RNF145: variants seen among roughly 807,000 people sequenced by gnomAD.
RNF145 encodes ring finger protein 145.
A neutral mutation model predicts 57.3 loss-of-function variants in RNF145; 12 were observed. That is an observed-to-expected ratio of 0.21 (90% confidence interval 0.13 to 0.34). The LOEUF (loss-of-function observed/expected upper bound fraction) is 0.34. Ranked by LOEUF, RNF145 falls within the 10% of genes least tolerant of loss-of-function variation. The pLI, the probability that RNF145 is intolerant of heterozygous loss-of-function variation, is 1.00. For missense variants in RNF145, 429 were observed against 799.0 expected, an observed-to-expected ratio of 0.54 and a Z score of 5.58; for synonymous variants, 262 against 288.3, an observed-to-expected ratio of 0.91 and a Z score of 0.92.
At chr5:159,188,034 A>G (rs1361294190) in intron 3 of RNF145, among the ~76,000 whole-genome samples, 1 of 152,172 alleles carries the variant, frequency 6.6e-6, no homozygotes, top group Non-Finnish European at 1.5e-5. Flanking sequence ...AATTCAAGTC[A>G]CAGACACACA....
upstream of RNF145, chr5:159,209,584 G>A (rs1584720579): frequency 6.8e-6 from 7 of 1,026,260 alleles, no homozygotes; most frequent in African/African-American, 1.7e-5. Context: ...CGCACTCTGC[G>A]CCTGCGCGCG....
In RNF145 at chr5:159,158,445, GA is replaced by G; in HGVS notation, c.*224del. On this transcript the variant is annotated 3_prime_UTR_variant, in exon 11 of 11. Coordinates refer to ENST00000424310, the MANE Select transcript of RNF145 (RefSeq NM_001199383.2). ...CAAACCTCTATAAAACATCAGCAGA[GA>G]ACATATAAATACATTTTGATTAGCA... 1.8e-6 allele frequency: 1 copy of G among 547,652 alleles called. No homozygotes were observed. The highest frequency in any genetic ancestry group is 1.9e-5 in the African/African-American group (1 of 53,240). 33.9% of individuals were successfully genotyped at this position (547,652 alleles called of 1,614,324 possible).
upstream of RNF145, chr5:159,209,904 T>C: frequency 6.5e-7 from 1 of 1,536,016 alleles, no homozygotes; most frequent in Non-Finnish European, 8.7e-7. Flanking sequence ...CCCGGTGCAT[T>C]CGCAGTAGCA....
At chr5:159,168,199 T>A (rs548892700) in intron 8 of RNF145, among the ~76,000 whole-genome samples, 1 of 152,186 alleles carries the variant, frequency 6.6e-6, no homozygotes, top group Non-Finnish European at 1.5e-5. Context: ...TTATACAATG[T>A]ATACAGCTCT....
intron 1 of RNF145, among the ~76,000 whole-genome samples, chr5:159,206,827 G>T (rs1333670361): frequency 6.6e-6 from 1 of 152,114 alleles, no homozygotes; most frequent in African/African-American, 2.4e-5. Flanking sequence ...TATCTTCCAT[G>T]CAAGATTTTA....
intron 1 of RNF145, 91 bp from the exon 2 acceptor site, chr5:159,203,747 A>G: frequency 1.4e-6 from 1 of 735,546 alleles, no homozygotes; most frequent in Non-Finnish European, 2.2e-6. Flanking sequence ...GTTGTCACAC[A>G]CTGTACAAAA....
intron 8 of RNF145, among the ~76,000 whole-genome samples, chr5:159,164,234 C>CTAATAA (rs553921309): frequency 2.0e-5 from 3 of 151,476 alleles, no homozygotes; most frequent in East Asian, 1.9e-4. Context: ...TTGCCAAAAA[C>CTAATAA]TAATAATAAT....
intron 1 of RNF145, among the ~76,000 whole-genome samples, chr5:159,204,325 C>T (rs1447835545): frequency 1.3e-5 from 2 of 151,960 alleles, no homozygotes; most frequent in Admixed American, 6.5e-5. Flanking sequence ...TAAGCAGGCA[C>T]ATGGAAGACG....
At chr5:159,195,673 A>T (rs957342873) in intron 2 of RNF145, among the ~76,000 whole-genome samples, 2 of 152,184 alleles carry the variant, frequency 1.3e-5, no homozygotes, top group African/African-American at 4.8e-5. Flanking sequence ...TTTCCAATAA[A>T]CACTGGAAAT....
At chr5:159,180,551 C>T (rs1018290096) in intron 4 of RNF145, among the ~76,000 whole-genome samples, 1 of 152,074 alleles carries the variant, frequency 6.6e-6, no homozygotes, top group East Asian at 1.9e-4. Flanking sequence ...CAACAAGCAA[C>T]TAGTCTATTG....
chr5:159,168,763 A>G, intron 8 of RNF145, 110 bp downstream of exon 8: 1 of 608,052 alleles, frequency 1.6e-6, no homozygotes. Flanking sequence ...GCTAATACCA[A>G]TTACCCATAT....
chr5:159,172,260 G>A (rs982025692), intron 6 of RNF145, among the ~76,000 whole-genome samples: 3 of 152,140 alleles, frequency 2.0e-5, no homozygotes, highest in African/African-American at 7.2e-5. Context: ...AGAGGCTGAG[G>A]TGGGTGGATC....
chr5:159,182,079 TA>T (rs776270906), intron 3 of RNF145, 28 bp from the exon 4 acceptor site: 1 of 1,298,028 alleles, frequency 7.7e-7, no homozygotes, highest in African/African-American at 1.5e-5. Context: ...TTAGAATGTA[TA>T]TATTAGATAC....
At position 159,158,749 on chromosome 5, in the gene RNF145, T is replaced by C; in HGVS notation, c.1913A>G (p.Asp638Gly). 1 of 1,613,998 alleles carries C rather than the reference T, an allele frequency of 6.2e-7. No homozygotes were observed. Residue 638 changes from aspartate to glycine, a missense_variant, in exon 11 of 11, where the codon GAT (aspartate) becomes GGT (glycine). Physicochemically the swap from Asp to Gly is moderately conservative, Grantham distance 94. Around this residue, in one of 4 missense-constraint regions of RNF145, gnomAD observed 102 missense variants for 106.2 expected, o/e 0.96. Transcript: ENST00000424310. ...GGGGTCAAAAGCCCCTTCCTGGTTATCTGGTCGTCTGGCAATGTACTCATT... is the reference window on the plus strand; with the variant it reads ...GGGGTCAAAAGCCCCTTCCTGGTTACCTGGTCGTCTGGCAATGTACTCATT... Reference protein sequence around the residue: ...DNNEYIARRPDNQEGAFDPKE... With the variant: ...DNNEYIARRPGNQEGAFDPKE...
intron 1 of RNF145, chr5:159,207,504 T>TAA: frequency 4.7e-6 from 6 of 1,276,382 alleles, no homozygotes; most frequent in Admixed American, 5.0e-5. Flanking sequence ...CCCAACCAGT[T>TAA]AAAAAAAAAA....
chr5:159,177,789 T>C (rs1368268254), intron 4 of RNF145, among the ~76,000 whole-genome samples: 2 of 152,016 alleles, frequency 1.3e-5, no homozygotes, highest in African/African-American at 4.8e-5. Flanking sequence ...CTTGCCATAG[T>C]GAGTATAATT....
chr5:159,168,354 T>A (rs1784450254), intron 8 of RNF145, among the ~76,000 whole-genome samples: 1 of 152,204 alleles, frequency 6.6e-6, no homozygotes, highest in Admixed American at 6.5e-5. Context: ...AGAATCCTTA[T>A]AATCCAGTCA....
At chr5:159,188,767 T>C (rs573411788) in intron 3 of RNF145, among the ~76,000 whole-genome samples, 8 of 152,320 alleles carry the variant, frequency 5.3e-5, no homozygotes, top group South Asian at 4.1e-4. Flanking sequence ...ATCCATTCTA[T>C]AGACATATTC....
At chr5:159,173,350 ACC>A (rs1362271129) in intron 6 of RNF145, among the ~76,000 whole-genome samples, 3 of 152,142 alleles carry the variant, frequency 2.0e-5, no homozygotes, top group Non-Finnish European at 4.4e-5. Flanking sequence ...AAGATTGAAC[ACC>A]CCTGGGTTAG....
Sources: allele counts gnomAD v4.1 joint callset (sites outside exome capture counted in the v4.1 genomes callset), GRCh38; gene constraint gnomAD v4.1.1; regional missense constraint gnomAD v4.1.1; transcripts MANE v1.5; gene names NCBI Gene and HGNC (gene_info 2026-07-23, HGNC 2026-07-21).